The following NT5M variants were observed in gnomAD, a reference collection of about 807,000 sequenced individuals.
NT5M encodes 5',3'-nucleotidase, mitochondrial.
In NT5M, 22 loss-of-function variants were observed where a neutral mutation model predicts 22.2. The ratio of observed to expected loss-of-function variants is 0.99; its 90% CI spans 0.71 to 1.41. The LOEUF (loss-of-function observed/expected upper bound fraction) is 1.41, where lower values mean the gene tolerates loss of function less well. Ranked by LOEUF, NT5M falls within the 40% of genes most tolerant of loss-of-function variation. NT5M has a pLI of 0.00. For missense variants in NT5M, 322 were observed against 314.8 expected (o/e 1.02, Z -0.17); for synonymous variants, 167 against 133.0 (o/e 1.26, Z -1.76).
At chr17:17,313,668 C>T (rs1473042928) in intron 2 of NT5M, among the ~76,000 whole-genome samples, 1 of 151,674 alleles carries the variant, frequency 6.6e-6, no homozygotes, top group African/African-American at 2.4e-5. Context: ...AGAGTTCTTA[C>T]CTTCAAAGAG....
chr17:17,338,867 C>T (rs545789761), intron 3 of NT5M, among the ~76,000 whole-genome samples: 1 of 151,824 alleles, frequency 6.6e-6, no homozygotes, highest in South Asian at 2.1e-4. Flanking sequence ...GCTGGGACTA[C>T]AGGCGCCCGC....
chr17:17,343,254 T>C (rs988354829), intron 3 of NT5M, among the ~76,000 whole-genome samples: 1 of 152,030 alleles, frequency 6.6e-6, no homozygotes, highest in Non-Finnish European at 1.5e-5. Context: ...TGTGTGTGTG[T>C]GTGCATGTGT....
At position 17,344,786 on chromosome 17, in the gene NT5M, G is replaced by A. The variant is rs2049721904; in HGVS notation, c.430-8G>A. On this transcript the variant is annotated splice_region_variant and splice_polypyrimidine_tract_variant and intron_variant, in intron 3 of 4. Transcript: ENST00000389022. ...TCTCACCACCTGCCCTTGCCTGTTT[G>A]CGTCCAGTATGCCTGGGTGGAGAAG... 1.9e-6 allele frequency: 3 copies of A among 1,613,606 alleles called. No individual in the cohort carries two copies. In the African/African-American group the frequency reaches 4.0e-5, roughly 22 times the overall value.
intron 4 of NT5M, among the ~76,000 whole-genome samples, chr17:17,345,850 G>T (rs747140142): frequency 5.3e-5 from 8 of 152,018 alleles, no homozygotes; most frequent in Non-Finnish European, 1.2e-4. Context: ...CAGGAGAGGG[G>T]AAGTTTTTTG....
In NT5M at chr17:17,315,744, G is replaced by GTTTTTTTTTTTTT. The variant is rs1173004367; in HGVS notation, c.369-7434_369-7433insTTTTTTTTTTTTT. Among the ~76,000 whole-genome samples the GTTTTTTTTTTTTT allele has an allele frequency of 7.4e-5, 5 of 67,714 alleles. 2 individuals are homozygous for GTTTTTTTTTTTTT. Among genetic ancestry groups the GTTTTTTTTTTTTT allele is most frequent in the Non-Finnish European group, 2.7e-5 (1 of 37,274 alleles). 44.4% of individuals were successfully genotyped at this position (67,714 alleles called of 152,430 possible). On this transcript the variant is annotated intron_variant, in intron 2 of 4. Coordinates refer to ENST00000389022, the MANE Select transcript of NT5M (RefSeq NM_020201.4). ...AGAGATTGATGTGATCTAACTTAGGGTTTTTTTGTTTTTTTTTTTTTTTTT... is the reference window on the plus strand; with the variant it reads ...AGAGATTGATGTGATCTAACTTAGGGTTTTTTTTTTTTTTTTTTTTGTTTTTTTTTTTTTTTTT...
intron 3 of NT5M, among the ~76,000 whole-genome samples, chr17:17,339,287 G>GT (rs1048362015): frequency 2.0e-5 from 3 of 150,612 alleles, no homozygotes; most frequent in African/African-American, 4.9e-5. Context: ...GATTGTTCCT[G>GT]TTTTTTTCAG....
intron 3 of NT5M, among the ~76,000 whole-genome samples, chr17:17,337,343 G>T (rs1038285149): frequency 3.9e-5 from 6 of 152,118 alleles, no homozygotes; most frequent in Non-Finnish European, 8.8e-5. Context: ...CTGGACTGAA[G>T]CTATCTTTCC....
intron 3 of NT5M, among the ~76,000 whole-genome samples, chr17:17,336,000 C>CTTT (rs1167144502): frequency 9.6e-4 from 95 of 98,910 alleles, no homozygotes; most frequent in Non-Finnish European, 1.2e-3. Flanking sequence ...CTTATTCATT[C>CTTT]TTTTTTTTTT....
chr17:17,341,009 A>G (rs1316868039), intron 3 of NT5M, among the ~76,000 whole-genome samples: 1 of 151,760 alleles, frequency 6.6e-6, no homozygotes, highest in Non-Finnish European at 1.5e-5. Context: ...AGGTTTTGGT[A>G]TGTTGTACTT....
At chr17:17,314,265 C>G (rs1291804756) in intron 2 of NT5M, among the ~76,000 whole-genome samples, 1 of 152,096 alleles carries the variant, frequency 6.6e-6, no homozygotes, top group Non-Finnish European at 1.5e-5. Context: ...TAACTCCTGA[C>G]CTCAGGTGGT....
At chr17:17,333,969 GAC>G (rs2049443385) in intron 3 of NT5M, among the ~76,000 whole-genome samples, 1 of 152,012 alleles carries the variant, frequency 6.6e-6, no homozygotes, top group Non-Finnish European at 1.5e-5. Context: ...GAGTAGCTGG[GAC>G]TACAGGCACC....
At chr17:17,333,032 T>C (rs1001387366) in intron 3 of NT5M, among the ~76,000 whole-genome samples, 7 of 152,198 alleles carry the variant, frequency 4.6e-5, no homozygotes, top group African/African-American at 1.7e-4. Flanking sequence ...TTGTCAGGGC[T>C]CTGGATTTTG....
rs550181234 is a variant in NT5M, at chr17:17,307,796, C to T, written c.368+1153C>T. ...GTTTGAACCCAGGAGGCGGAGGTTG[C>T]ACGGTGAGCCAAGATCGCGCCACTA... On this transcript the variant is annotated intron_variant, in intron 2 of 4. Coordinates refer to ENST00000389022, the MANE Select transcript of NT5M (RefSeq NM_020201.4). 1.3e-4 allele frequency among the ~76,000 whole-genome samples: 20 copies of T among 152,120 alleles called. No homozygotes were observed. In the East Asian group the frequency reaches 3.9e-3, roughly 29 times the overall value.
chr17:17,315,654 A>T (rs2049006805), intron 2 of NT5M, among the ~76,000 whole-genome samples: 1 of 146,688 alleles, frequency 6.8e-6, no homozygotes, highest in African/African-American at 2.5e-5. Flanking sequence ...GGAACTGGAC[A>T]GCTGGCACTG....
intron 3 of NT5M, among the ~76,000 whole-genome samples, chr17:17,343,416 C>T (rs1027882571): frequency 2.6e-5 from 4 of 152,184 alleles, no homozygotes; most frequent in African/African-American, 7.2e-5. Flanking sequence ...GGAAAGGTGG[C>T]GCTGGGACAG....
intron 3 of NT5M, among the ~76,000 whole-genome samples, chr17:17,323,970 CA>C (rs2049211124): frequency 6.6e-6 from 1 of 152,100 alleles, no homozygotes; most frequent in South Asian, 2.1e-4. Context: ...TCACTGGGTT[CA>C]AGCAATTCTC....
chr17:17,309,676 T>TTC (rs1491133799), intron 2 of NT5M, among the ~76,000 whole-genome samples: 4 of 1,392 alleles, frequency 2.9e-3, no homozygotes, highest in African/African-American at 5.2e-3. Context: ...CTCAAGCATC[T>TTC]TTTTTTTTTT....
rs1198295338 is a variant in NT5M, at chr17:17,303,782, T to A, written c.232T>A (p.Ser78Thr). ...GGAGGACCGGCGCGGCTTCTGGGTG[T>A]CGGAGCAGTACGGCCGCCTGCGGCC... Reference protein sequence around the residue: ...ALEDRRGFWVSEQYGRLRPGL... With the variant: ...ALEDRRGFWVTEQYGRLRPGL... Residue 78 changes from serine (S) to threonine (T), a missense_variant, in exon 1 of 5, where the codon TCG (serine) becomes ACG (threonine). Coordinates refer to ENST00000389022, the MANE Select transcript of NT5M (RefSeq NM_020201.4). 6.4e-7 allele frequency: 1 copy of A among 1,573,012 alleles called. No individual in the cohort carries two copies. The highest frequency in any genetic ancestry group is 2.4e-5 in the East Asian group (1 of 41,286).
At chr17:17,333,952 G>GCCTC (rs1349453847) in intron 3 of NT5M, among the ~76,000 whole-genome samples, 1 of 150,918 alleles carries the variant, frequency 6.6e-6, no homozygotes, top group East Asian at 2.0e-4. Context: ...TCCTGCCTCA[G>GCCTC]CCTCCCGAGT....
Sources: allele counts gnomAD v4.1 joint callset (sites outside exome capture counted in the v4.1 genomes callset), GRCh38; gene constraint gnomAD v4.1.1; transcripts MANE v1.5; gene names NCBI Gene and HGNC (gene_info 2026-07-23, HGNC 2026-07-21).